Variants in UBE2E2 observed in about 807,000 individuals in gnomAD.
UBE2E2 encodes ubiquitin-conjugating enzyme E2 E2.
Under a neutral mutation model 24.7 loss-of-function variants are expected in UBE2E2, and 6 were observed. The ratio of observed to expected loss-of-function variants is 0.24; its 90% confidence interval spans 0.13 to 0.48. UBE2E2 has a LOEUF of 0.48. UBE2E2 is among the 20% of genes least tolerant of loss of function. The pLI is 0.99. For missense variants in UBE2E2, 169 were observed against 245.0 expected (o/e 0.69, Z 2.07); for synonymous variants, 104 against 83.6 (o/e 1.24, Z -1.33).
intron 4 of UBE2E2, among the ~76,000 whole-genome samples, chr3:23,531,780 G>C (rs1012772041): frequency 7.9e-5 from 12 of 152,208 alleles, no homozygotes; most frequent in Admixed American, 1.3e-4. Context: ...CTGTGTTATA[G>C]GCCGGGTATG....
chr3:23,552,127 CT>C (rs1435702911), intron 5 of UBE2E2, among the ~76,000 whole-genome samples: 4 of 152,116 alleles, frequency 2.6e-5, no homozygotes, highest in Non-Finnish European at 4.4e-5. Context: ...TAAATTTCTG[CT>C]TTTTAAGCCA....
chr3:23,462,108 A>G (rs552313706), intron 3 of UBE2E2, among the ~76,000 whole-genome samples: 242 of 152,294 alleles, frequency 1.6e-3, no homozygotes, highest in African/African-American at 5.6e-3. Flanking sequence ...AGTATGAAAT[A>G]TATTTTCAAA....
intron 2 of UBE2E2, among the ~76,000 whole-genome samples, chr3:23,215,105 C>A (rs1370904934): frequency 1.3e-5 from 2 of 151,864 alleles, no homozygotes; most frequent in African/African-American, 4.8e-5. Flanking sequence ...TATATTTAAA[C>A]TTCTGTTTCT....
rs546188641 is a variant in UBE2E2, at chr3:23,293,913, T to A, written c.227+76601T>A. Among the ~76,000 whole-genome samples, 9 of 152,294 alleles carry A rather than the reference T, an allele frequency of 5.9e-5. No homozygotes were observed. In the South Asian group the frequency reaches 1.5e-3, roughly 25 times the overall value. On this transcript the variant is annotated intron_variant, in intron 3 of 5. Transcript: ENST00000396703. ...AGAGGATTCCTCAAGCCCAGGAGTT[T>A]AAGTCCAACCTGCACAGCATAGCGA... is the stretch of plus-strand genomic sequence containing the variant.
chr3:23,281,817 A>T (rs1372020273), intron 3 of UBE2E2, among the ~76,000 whole-genome samples: 1 of 152,206 alleles, frequency 6.6e-6, no homozygotes, highest in Non-Finnish European at 1.5e-5. Context: ...AATATGATAT[A>T]CAAAATAGTT....
chr3:23,479,681 T>G (rs1193322511), intron 3 of UBE2E2, among the ~76,000 whole-genome samples: 1 of 152,194 alleles, frequency 6.6e-6, no homozygotes, highest in African/African-American at 2.4e-5. Flanking sequence ...GGAGCTTCAC[T>G]GAGTGACAGA....
At chr3:23,536,448 T>G (rs1056237223) in intron 5 of UBE2E2, among the ~76,000 whole-genome samples, 7 of 152,218 alleles carry the variant, frequency 4.6e-5, no homozygotes, top group African/African-American at 1.7e-4. Context: ...ATTTGTCTGC[T>G]CTACTACTGT....
intron 3 of UBE2E2, among the ~76,000 whole-genome samples, chr3:23,344,313 T>C (rs1255876950): frequency 1.3e-5 from 2 of 152,170 alleles, no homozygotes; most frequent in East Asian, 3.8e-4. Context: ...CCTCCGACTC[T>C]TGAAAGCTTC....
chr3:23,432,647 C>G (rs1183959810), intron 3 of UBE2E2, among the ~76,000 whole-genome samples: 1 of 151,834 alleles, frequency 6.6e-6, no homozygotes, highest in Non-Finnish European at 1.5e-5. Context: ...ATTACTCTGT[C>G]CAAATTTGGT....
intron 3 of UBE2E2, among the ~76,000 whole-genome samples, chr3:23,222,516 A>G (rs1156721903): frequency 2.0e-5 from 3 of 152,072 alleles, no homozygotes; most frequent in Non-Finnish European, 2.9e-5. Context: ...GTCTCACGAG[A>G]TCTGATGGTT....
chr3:23,275,067 T>A (rs1397006397), intron 3 of UBE2E2, among the ~76,000 whole-genome samples: 3 of 152,160 alleles, frequency 2.0e-5, no homozygotes, highest in African/African-American at 7.2e-5. Context: ...GTGTAAAGCG[T>A]TGTGTTAGGC....
At chr3:23,383,314 G>C (rs554033705) in intron 3 of UBE2E2, among the ~76,000 whole-genome samples, 2 of 152,216 alleles carry the variant, frequency 1.3e-5, no homozygotes, top group South Asian at 4.1e-4. Flanking sequence ...GTGAGCAGTT[G>C]AACACATACA....
chr3:23,566,299 A>C (rs886091458), intron 5 of UBE2E2, among the ~76,000 whole-genome samples: 3 of 152,210 alleles, frequency 2.0e-5, no homozygotes, highest in Non-Finnish European at 4.4e-5. Flanking sequence ...ATGCATCTTT[A>C]TGCATAGCAA....
intron 3 of UBE2E2, among the ~76,000 whole-genome samples, chr3:23,473,182 T>C (rs777633801): frequency 3.3e-5 from 5 of 151,952 alleles, no homozygotes; most frequent in Non-Finnish European, 5.9e-5. Context: ...TCAATACACA[T>C]TGAAAATGAC....
At chr3:23,441,388 AATT>A (rs1348856875) in intron 3 of UBE2E2, among the ~76,000 whole-genome samples, 1 of 149,902 alleles carries the variant, frequency 6.7e-6, no homozygotes, top group Non-Finnish European at 1.5e-5. Flanking sequence ...AAAAAAAAAA[AATT>A]AGCTGGGCAT....
chr3:23,575,803 T>TA (rs1342228332), intron 5 of UBE2E2, among the ~76,000 whole-genome samples: 1 of 152,130 alleles, frequency 6.6e-6, no homozygotes, highest in Admixed American at 6.6e-5. Flanking sequence ...TACAAGACTG[T>TA]AATATAGTTC....
rs566144804 is a variant in UBE2E2 at position 23,579,863 on chromosome 3, A to G, written c.509-9871A>G. Among the ~76,000 whole-genome samples, 33 of 152,340 alleles carry G rather than the reference A, an allele frequency of 2.2e-4. No individual in the cohort carries two copies. The South Asian group carries it at 6.2e-3, about 29-fold the overall frequency. On this transcript the variant is annotated intron_variant, in intron 5 of 5. Transcript: ENST00000396703. The stretch of plus-strand genomic sequence containing the variant: ...GTGATTCATGGGAGGAGGTCAAAAT[A>G]TCCACATTAACCAGAGTTTTGAACA...
chr3:23,314,695 G>A (rs1694524339), intron 3 of UBE2E2, among the ~76,000 whole-genome samples: 1 of 152,114 alleles, frequency 6.6e-6, no homozygotes, highest in African/African-American at 2.4e-5. Flanking sequence ...TCTTCTTCAT[G>A]TTTGAAGGAT....
At chr3:23,376,440 A>G (rs1696522972) in intron 3 of UBE2E2, among the ~76,000 whole-genome samples, 1 of 152,210 alleles carries the variant, frequency 6.6e-6, no homozygotes, top group Non-Finnish European at 1.5e-5. Flanking sequence ...CACAGGGAGT[A>G]TACTTGATAG....
Sources: gnomAD v4.1 joint callset for allele counts (sites outside exome capture counted in the v4.1 genomes callset) on GRCh38, gnomAD v4.1.1 for gene constraint, MANE v1.5 for transcripts, NCBI Gene and HGNC (gene_info 2026-07-23, HGNC 2026-07-21) for gene names.